Variants in GSDMC observed in about 807,000 individuals in gnomAD.
GSDMC encodes gasdermin C.
A neutral mutation model predicts 58.0 loss-of-function variants in GSDMC; 59 were observed. The observed-to-expected ratio is 1.02, with a 90% confidence interval of 0.82 to 1.26. The LOEUF is 1.26. Among genes scored for constraint, GSDMC ranks in the 50% most tolerant of loss-of-function variants. The probability of loss-of-function intolerance (pLI) is 0.00; values close to 1 mark genes in which losing one functional copy is unlikely to be tolerated. For synonymous variants in GSDMC, 241 were observed against 220.2 expected (o/e 1.09, Z -0.83); for missense variants, 659 against 598.5 (o/e 1.10, Z -1.06).
intron 3 of GSDMC, among the ~76,000 whole-genome samples, chr8:129,766,008 T>G (rs543750455): frequency 6.6e-6 from 1 of 152,286 alleles, no homozygotes; most frequent in East Asian, 1.9e-4. Flanking sequence ...TGAGAGTATA[T>G]GTACCATATT....
chr8:129,783,805 C>T (rs1466139869), intron 1 of GSDMC, among the ~76,000 whole-genome samples: 2 of 152,046 alleles, frequency 1.3e-5, no homozygotes, highest in African/African-American at 4.8e-5. Flanking sequence ...GCAAAAAGAG[C>T]AAAACTCAAG....
chr8:129,736,183 G>C, the GSDMC span, among the ~76,000 whole-genome samples: 1 of 152,218 alleles, frequency 6.6e-6, no homozygotes, highest in Non-Finnish European at 1.5e-5. Flanking sequence ...TCCAGGACCA[G>C]ATGGATTCAC....
At chr8:129,715,580 T>C in the GSDMC span, among the ~76,000 whole-genome samples, 12 of 152,092 alleles carry the variant, frequency 7.9e-5, no homozygotes, top group Non-Finnish European at 1.8e-4. Context: ...TAAATGAGTT[T>C]CAAAATCAAA....
chr8:129,711,312 C>T, the GSDMC span, among the ~76,000 whole-genome samples: 1 of 152,074 alleles, frequency 6.6e-6, no homozygotes, highest in African/African-American at 2.4e-5. Context: ...TTGATGGCAG[C>T]CTTGCAAGGT....
intron 5 of GSDMC, 47 bp from the exon 6 acceptor site, chr8:129,760,636 T>TGCCTGGGTCTTTCCCATA: frequency 1.8e-6 from 2 of 1,083,594 alleles, no homozygotes; most frequent in South Asian, 1.3e-5. Context: ...AGGTTATTCC[T>TGCCTGGGTCTTTCCCATA]GCCTGAACCT....
At chr8:129,746,061 A>G (rs138322484), downstream of GSDMC, among the ~76,000 whole-genome samples, 90 of 152,270 alleles carry the variant, frequency 5.9e-4, 1 homozygote, top group African/African-American at 1.8e-3. Context: ...CATGCTGAGG[A>G]TGAGCATGGT....
the GSDMC span, chr8:129,723,059 T>A: frequency 1.3e-5 from 2 of 152,206 alleles, no homozygotes; most frequent in Non-Finnish European, 2.9e-5. Flanking sequence ...AAACAAATGT[T>A]ATCTATTCTT....
intron 3 of GSDMC, among the ~76,000 whole-genome samples, chr8:129,774,466 A>G (rs1475160918): frequency 6.6e-6 from 1 of 152,024 alleles, no homozygotes; most frequent in Admixed American, 6.6e-5. Context: ...ATACAGGGGG[A>G]AAGTTCCTCA....
the GSDMC span, among the ~76,000 whole-genome samples, chr8:129,721,030 A>G: frequency 6.6e-6 from 1 of 152,232 alleles, no homozygotes; most frequent in African/African-American, 2.4e-5. Flanking sequence ...AATGGATCCC[A>G]GGGGATCAAG....
At chr8:129,712,413 C>T in the GSDMC span, among the ~76,000 whole-genome samples, 4 of 152,174 alleles carry the variant, frequency 2.6e-5, no homozygotes, top group African/African-American at 2.4e-5. Context: ...CTCAGCAGGC[C>T]AGTTCTGGTG....
the GSDMC span, among the ~76,000 whole-genome samples, chr8:129,719,400 G>A: frequency 6.6e-6 from 1 of 152,052 alleles, no homozygotes; most frequent in Admixed American, 6.6e-5. Context: ...ACCAAAAAGA[G>A]ACGTAGAAAA....
At chr8:129,758,232 C>T (rs568425560) in intron 6 of GSDMC, among the ~76,000 whole-genome samples, 1 of 152,152 alleles carries the variant, frequency 6.6e-6, no homozygotes, top group African/African-American at 2.4e-5. Context: ...TGATAAAAGC[C>T]ATATATGACA....
At chr8:129,753,893 C>T (rs976281841) in intron 6 of GSDMC, among the ~76,000 whole-genome samples, 4 of 152,104 alleles carry the variant, frequency 2.6e-5, no homozygotes, top group African/African-American at 9.7e-5. Flanking sequence ...TAATGGTGGC[C>T]ACAGAGAGAG....
Position 129,752,698 on chromosome 8 carries a change from C to G in GSDMC, c.844G>C (p.Glu282Gln). The change falls in exon 7 of 14, where the codon GAG becomes CAG. Residue 282 changes from glutamate (E) to glutamine (Q), a missense_variant and splice_region_variant. Coordinates refer to ENST00000276708, the MANE Select transcript of GSDMC (RefSeq NM_031415.3). The part of the protein sequence containing the change: ...ASSNDMKLKP[E>Q]LFLTQQFLSG... The stretch of plus-strand genomic sequence containing the variant: ...AAAATAAAGTGAGCAATCACAGTAC[C>G]TGGTTTTAACTTCATATCATTGGAT... The G allele has an allele frequency of 6.2e-7, 1 of 1,614,104 alleles. No homozygotes were observed.
Position 129,777,498 on chromosome 8 carries a change from G to A in GSDMC, c.90C>T (p.Ala30=), listed in dbSNP as rs2034275156. Residue 30 remains alanine, a synonymous_variant, in exon 2 of 14, where the codon GCC becomes GCT. Transcript: ENST00000276708. ...ATATAACAAACTGACGTAATTTGGT[G>A]GCACTCAATAGGTATTTGACAGGTG... The part of the protein sequence containing the change: ...DLTPVKYLLS[A]TKLRQFVILR... 6.2e-7 allele frequency: 1 copy of A among 1,612,718 alleles called. No individual in the cohort carries two copies. The highest frequency in any genetic ancestry group is 1.7e-5 in the Admixed American group (1 of 59,992).
chr8:129,765,368 C>A (rs1207305686), intron 4 of GSDMC, among the ~76,000 whole-genome samples: 1 of 152,122 alleles, frequency 6.6e-6, no homozygotes, highest in East Asian at 1.9e-4. Flanking sequence ...AAGCAAAACA[C>A]AATACTAAAT....
In GSDMC at chr8:129,748,582, T is replaced by A. The variant is rs767221256; in HGVS notation, c.1446A>T (p.Ser482=). The A allele has an allele frequency of 6.2e-7, 1 of 1,613,646 alleles. No homozygotes were observed. Among genetic ancestry groups the A allele is most frequent in the Non-Finnish European group, 8.5e-7 (1 of 1,179,712 alleles). The part of the protein sequence containing the change: ...GLRMELDNPR[S]TWDVEAKMPL... Reference sequence around the variant, plus strand: ...GCATCTTTGCTTCTACATCCCAGGTTGACCTGGGGTTATCCAGCTCCATCC... The same window carrying A: ...GCATCTTTGCTTCTACATCCCAGGTAGACCTGGGGTTATCCAGCTCCATCC... The change falls in exon 14 of 14, where the codon TCA becomes TCT. Residue 482 remains serine (S), a synonymous_variant. Coordinates refer to ENST00000276708, the MANE Select transcript of GSDMC (RefSeq NM_031415.3).
chr8:129,772,133 C>T (rs2034076258), intron 3 of GSDMC, among the ~76,000 whole-genome samples: 1 of 151,842 alleles, frequency 6.6e-6, no homozygotes, highest in South Asian at 2.1e-4. Context: ...TGGTGGCAGG[C>T]GCCTGTAGTC....
chr8:129,748,468 G>C lies in GSDMC; in HGVS notation c.*33C>G, dbSNP rs1475124274. On this transcript the variant is annotated 3_prime_UTR_variant, in exon 14 of 14. Coordinates refer to ENST00000276708, the MANE Select transcript of GSDMC (RefSeq NM_031415.3). ...CACAGCATAGACTGGGCGAGGGCCAGCATCTCTGGACTGACTGCCCATCAG... is the reference window on the plus strand; with the variant it reads ...CACAGCATAGACTGGGCGAGGGCCACCATCTCTGGACTGACTGCCCATCAG... 1 of 1,565,152 alleles carries C rather than the reference G, an allele frequency of 6.4e-7. No individual in the cohort carries two copies. Among genetic ancestry groups the C allele is most frequent in the South Asian group, 1.2e-5 (1 of 80,906 alleles).
Sources: gnomAD v4.1 joint callset for allele counts (sites outside exome capture counted in the v4.1 genomes callset) on GRCh38, gnomAD v4.1.1 for gene constraint, MANE v1.5 for transcripts, NCBI Gene and HGNC (gene_info 2026-07-23, HGNC 2026-07-21) for gene names.